PLCG2: variants seen among roughly 807,000 people sequenced by gnomAD.
The protein encoded by PLCG2 is 1-phosphatidylinositol 4,5-bisphosphate phosphodiesterase gamma-2.
PLCG2 carries 69 observed loss-of-function variants against 175.6 expected under a neutral mutation model. The observed-to-expected ratio is 0.39, with a 90% CI of 0.32 to 0.48. The LOEUF is 0.48. Among genes scored for constraint, PLCG2 ranks in the 20% least tolerant of loss-of-function variants. PLCG2 has a pLI of 0.91. For synonymous variants in PLCG2, 827 were observed against 624.0 expected, an observed-to-expected ratio of 1.33 and a Z score of -4.85; for missense variants, 1,798 against 1,650.9, an observed-to-expected ratio of 1.09 and a Z score of -1.54.
intron 5 of PLCG2, 64 bp from the exon 6 acceptor site, chr16:81,869,150 G>T: frequency 8.2e-7 from 1 of 1,215,282 alleles, no homozygotes; most frequent in Non-Finnish European, 1.2e-6. Context: ...ACTGATGGGA[G>T]CAGCTAAATC....
At chr16:81,810,110 G>A (rs982084537) in intron 2 of PLCG2, among the ~76,000 whole-genome samples, 2 of 152,074 alleles carry the variant, frequency 1.3e-5, no homozygotes, top group Non-Finnish European at 2.9e-5. Context: ...TCCTGCCTCA[G>A]CCTCCTGAGT....
chr16:81,754,153 C>T (rs992946717), intron 1 of PLCG2, among the ~76,000 whole-genome samples: 13 of 151,992 alleles, frequency 8.6e-5, no homozygotes, highest in Admixed American at 3.9e-4. Context: ...CTAGGTTTGC[C>T]GCCTCCATCT....
chr16:81,847,390 T>A (rs951482828), intron 2 of PLCG2, among the ~76,000 whole-genome samples: 2 of 152,310 alleles, frequency 1.3e-5, no homozygotes, highest in South Asian at 4.1e-4. Flanking sequence ...TGGCCATTGG[T>A]GACCAACTCA....
intron 13 of PLCG2, 82 bp downstream of exon 13, chr16:81,896,009 C>G: frequency 6.6e-7 from 1 of 1,506,326 alleles, no homozygotes; most frequent in Non-Finnish European, 9.2e-7. Flanking sequence ...GACAGGCAAA[C>G]ACACACAGAC....
intron 17 of PLCG2, among the ~76,000 whole-genome samples, chr16:81,909,730 A>G (rs753614854): frequency 2.6e-5 from 4 of 152,270 alleles, no homozygotes; most frequent in Non-Finnish European, 4.4e-5. Flanking sequence ...TAGAATACTA[A>G]TAACACGCAA....
intron 2 of PLCG2, among the ~76,000 whole-genome samples, chr16:81,842,209 C>T (rs1393976679): frequency 6.6e-6 from 1 of 152,208 alleles, no homozygotes; most frequent in Non-Finnish European, 1.5e-5. Context: ...GCTTTCTCCT[C>T]TTCTTCCCAG....
At chr16:81,909,110 G>A (rs1015587293) in intron 17 of PLCG2, among the ~76,000 whole-genome samples, 7 of 152,344 alleles carry the variant, frequency 4.6e-5, no homozygotes, top group African/African-American at 7.2e-5. Context: ...TCTTGAGGGC[G>A]TGCCCTGTGC....
intron 2 of PLCG2, among the ~76,000 whole-genome samples, chr16:81,803,558 C>CTTCCTTTCCTTTCCTTTGCT (rs1911844207): frequency 1.5e-5 from 2 of 132,476 alleles, no homozygotes; most frequent in African/African-American, 2.8e-5. Flanking sequence ...CCTTTCTTTC[C>CTTCCTTTCCTTTCCTTTGCT]TTCCTTTCCT....
At chr16:81,828,534 G>T (rs1234237658) in intron 2 of PLCG2, among the ~76,000 whole-genome samples, 1 of 152,078 alleles carries the variant, frequency 6.6e-6, no homozygotes, top group African/African-American at 2.4e-5. Flanking sequence ...CACCGCACCC[G>T]GCCGAGAAGC....
At chr16:81,915,272 A>G (rs1481674334) in intron 19 of PLCG2, among the ~76,000 whole-genome samples, 1 of 152,188 alleles carries the variant, frequency 6.6e-6, no homozygotes, top group East Asian at 1.9e-4. Flanking sequence ...ATATTTGTAA[A>G]GTGCCTCTCC....
intron 14 of PLCG2, among the ~76,000 whole-genome samples, chr16:81,901,843 T>C (rs1277536922): frequency 6.6e-6 from 1 of 152,258 alleles, no homozygotes; most frequent in Non-Finnish European, 1.5e-5. Context: ...TTTAGTGTAT[T>C]GCAAATATTT....
chr16:81,895,764 G>T (rs1445564676), intron 12 of PLCG2, 43 bp from the exon 13 acceptor site: 1 of 1,610,816 alleles, frequency 6.2e-7, no homozygotes. Flanking sequence ...GGGGCTGTCA[G>T]TGAACACACG....
chr16:81,887,845 C>A (rs567742484), intron 9 of PLCG2, among the ~76,000 whole-genome samples: 1 of 152,220 alleles, frequency 6.6e-6, no homozygotes, highest in African/African-American at 2.4e-5. Flanking sequence ...GAGAGGAAAG[C>A]AACAGTTACT....
chr16:81,841,264 T>A (rs1905814805), intron 2 of PLCG2, among the ~76,000 whole-genome samples: 1 of 151,344 alleles, frequency 6.6e-6, no homozygotes, highest in Non-Finnish European at 1.5e-5. Flanking sequence ...TGAGATAGAG[T>A]CTCACTGAGT....
intron 2 of PLCG2, among the ~76,000 whole-genome samples, chr16:81,839,686 A>G (rs1407085645): frequency 6.6e-6 from 1 of 152,216 alleles, no homozygotes; most frequent in Non-Finnish European, 1.5e-5. Flanking sequence ...GACATAACAA[A>G]GGGTGGGCAC....
chr16:81,955,953 A>G (rs909581642), intron 31 of PLCG2, among the ~76,000 whole-genome samples: 2 of 152,222 alleles, frequency 1.3e-5, no homozygotes, highest in South Asian at 2.1e-4. Context: ...AAAGTGTACA[A>G]TTCAATGGTT....
At chr16:81,942,530 A>C (rs968105391) in intron 30 of PLCG2, among the ~76,000 whole-genome samples, 95 of 152,142 alleles carry the variant, frequency 6.2e-4, no homozygotes, top group African/African-American at 2.3e-3. Context: ...AACTTCACCC[A>C]TTGTCATTAG....
At chr16:81,906,465 C>T (rs1443594598) in intron 15 of PLCG2, 1 of 152,166 alleles carries the variant, frequency 6.6e-6, no homozygotes, top group Non-Finnish European at 1.5e-5. Flanking sequence ...TGCTCCATTG[C>T]CCTGGCTGGA....
chr16:81,807,900 T>G (rs1904288977), intron 2 of PLCG2, among the ~76,000 whole-genome samples: 1 of 152,126 alleles, frequency 6.6e-6, no homozygotes. Context: ...AAGAACTCAC[T>G]GAATATTGCA....
Sources: allele counts gnomAD v4.1 joint callset (sites outside exome capture counted in the v4.1 genomes callset), GRCh38; gene constraint gnomAD v4.1.1; transcripts MANE v1.5; gene names NCBI Gene and HGNC (gene_info 2026-07-23, HGNC 2026-07-21).